The following XYLT1 variants were observed in gnomAD, a reference collection of about 807,000 sequenced individuals.
XYLT1 encodes beta-D-xylosyltransferase 1.
A neutral mutation model predicts 91.3 loss-of-function variants in XYLT1; 36 were observed. The observed-to-expected ratio is 0.39, with a 90% confidence interval of 0.30 to 0.52. XYLT1 has a LOEUF of 0.52. Ranked by LOEUF, XYLT1 falls within the 20% of genes least tolerant of loss-of-function variation. The pLI is 0.68. For synonymous variants in XYLT1, 588 were observed against 532.0 expected (o/e 1.11, Z -1.45); for missense variants, 1,242 against 1,284.5 (o/e 0.97, Z 0.51).
chr16:17,362,660 T>G (rs1039114683), intron 1 of XYLT1, among the ~76,000 whole-genome samples: 1 of 152,206 alleles, frequency 6.6e-6, no homozygotes, highest in Non-Finnish European at 1.5e-5. Context: ...GAGGAGGACT[T>G]TGTTCGTTAT....
At chr16:17,130,519 C>T (rs182402414) in intron 9 of XYLT1, among the ~76,000 whole-genome samples, 178 of 152,246 alleles carry the variant, frequency 1.2e-3, no homozygotes, top group Non-Finnish European at 2.5e-4. Flanking sequence ...GTCACCCAGG[C>T]TAGAGTGCAG....
In XYLT1 at chr16:17,105,947, A is replaced by G. The variant is rs546882519; in HGVS notation, c.*2748T>C. 2 of 152,234 alleles carry G rather than the reference A, an allele frequency of 1.3e-5. No homozygotes were observed. Among genetic ancestry groups the G allele is most frequent in the East Asian group, 3.9e-4 (2 of 5,186 alleles). 9.4% of individuals were successfully genotyped at this position (152,234 alleles called of 1,614,324 possible). On this transcript the variant is annotated 3_prime_UTR_variant, in exon 12 of 12. Coordinates refer to ENST00000261381, the MANE Select transcript of XYLT1 (RefSeq NM_022166.4). Reference sequence around the variant, plus strand: ...AAAAAAAACAAAACACAAAAACACAACAAATGTAATATCTGCAACCTTATT... The same window carrying G: ...AAAAAAAACAAAACACAAAAACACAGCAAATGTAATATCTGCAACCTTATT...
chr16:17,113,591 T>C (rs1966846595), intron 11 of XYLT1, among the ~76,000 whole-genome samples: 1 of 93,400 alleles, frequency 1.1e-5, no homozygotes, highest in South Asian at 3.2e-4. Context: ...TCCTGCCTAA[T>C]GCCAGAGTCT....
chr16:17,219,454 A>G (rs1265807935), intron 3 of XYLT1, among the ~76,000 whole-genome samples: 2 of 152,166 alleles, frequency 1.3e-5, no homozygotes, highest in South Asian at 4.1e-4. Context: ...CCATTACAGC[A>G]TCATTGAGGG....
At chr16:17,420,886 A>G (rs1423744588) in intron 1 of XYLT1, among the ~76,000 whole-genome samples, 1 of 152,198 alleles carries the variant, frequency 6.6e-6, no homozygotes, top group Non-Finnish European at 1.5e-5. Flanking sequence ...GCTGGACTCA[A>G]TAAAACACAC....
chr16:17,127,751 T>C lies in XYLT1; in HGVS notation c.2138A>G (p.Glu713Gly). The C allele has an allele frequency of 6.2e-7, 1 of 1,614,182 alleles. No individual in the cohort carries two copies. Among genetic ancestry groups the C allele is most frequent in the Non-Finnish European group, 8.5e-7 (1 of 1,180,036 alleles). Residue 713 changes from glutamate to glycine, a missense_variant, in exon 10 of 12, where the codon GAG becomes GGG. This residue lies in a region of XYLT1 where 511 missense variants were observed against 497.0 expected (regional missense o/e 1.03). Transcript: ENST00000261381. ...CGGCATCACCCAGGTCTCCAGAGTC[T>C]CTAGTTTGCTCACAGCCAGATTGGT... ...HATNLAVSKL[E>G]TLETWVMPKK...
rs556580655 is a variant in XYLT1, at chr16:17,281,045, C to T, written c.403-21547G>A. On this transcript the variant is annotated intron_variant, in intron 2 of 11. Transcript: ENST00000261381. ...CTGGGAATCACGATTTCTAAAAGCC[C>T]CCAGACAGCGAGGGGTAAGCAACTG... Among the ~76,000 whole-genome samples, 3 of 152,262 alleles carry T rather than the reference C, an allele frequency of 2.0e-5. No individual in the cohort carries two copies. The South Asian group carries it at 6.2e-4, about 32-fold the overall frequency.
At chr16:17,467,877 A>C (rs986551414) in intron 1 of XYLT1, among the ~76,000 whole-genome samples, 2 of 152,080 alleles carry the variant, frequency 1.3e-5, no homozygotes, top group Non-Finnish European at 2.9e-5. Context: ...CAGAGCACTG[A>C]GCTAAAGCAT....
chr16:17,391,114 G>C (rs1461007873), intron 1 of XYLT1, among the ~76,000 whole-genome samples: 1 of 152,178 alleles, frequency 6.6e-6, no homozygotes, highest in Non-Finnish European at 1.5e-5. Context: ...CATTATTCCT[G>C]AGGTCACAAG....
intron 3 of XYLT1, among the ~76,000 whole-genome samples, chr16:17,231,336 C>T (rs1055958768): frequency 6.6e-6 from 1 of 152,178 alleles, no homozygotes; most frequent in Non-Finnish European, 1.5e-5. Context: ...GCACTTCACA[C>T]ATCCTACAGG....
At position 17,423,108 on chromosome 16, in the gene XYLT1, G is replaced by A. The variant is rs2036269304; in HGVS notation, c.363+47326C>T. ...AACAATGTGATTATCGTTGCCAGAG[G>A]AGGTTTTTCTTCCCTGCTAATATCC... On this transcript the variant is annotated intron_variant, in intron 1 of 11. Coordinates refer to ENST00000261381, the MANE Select transcript of XYLT1 (RefSeq NM_022166.4). 2.0e-5 allele frequency among the ~76,000 whole-genome samples: 3 copies of A among 151,144 alleles called. 1 individual carries two copies. The South Asian group carries it at 6.2e-4, about 31-fold the overall frequency.
At chr16:17,373,997 C>G (rs561338487) in intron 1 of XYLT1, among the ~76,000 whole-genome samples, 7 of 152,092 alleles carry the variant, frequency 4.6e-5, no homozygotes, top group African/African-American at 1.7e-4. Flanking sequence ...TAAATGCTGC[C>G]AAAGGGGAGA....
chr16:17,225,237 A>T (rs1555488936), intron 3 of XYLT1, among the ~76,000 whole-genome samples: 1 of 151,848 alleles, frequency 6.6e-6, no homozygotes, highest in Admixed American at 6.6e-5. Context: ...ATGTTCTGAA[A>T]CGTCAACTGT....
rs1001497698 is a variant in XYLT1, at chr16:17,383,989, C to T, written c.364-25939G>A. 6.6e-5 allele frequency among the ~76,000 whole-genome samples: 10 copies of T among 151,868 alleles called. 1 individual carries two copies. The highest frequency in any genetic ancestry group is 5.9e-4 in the Admixed American group (9 of 15,172). On this transcript the variant is annotated intron_variant, in intron 1 of 11. Coordinates refer to ENST00000261381, the MANE Select transcript of XYLT1 (RefSeq NM_022166.4). ...TCTCGCCCTCCTGACCTCAGGTGATCTGCCTGCCTCCACCTCCCAAAGTGC... is the reference window on the plus strand; with the variant it reads ...TCTCGCCCTCCTGACCTCAGGTGATTTGCCTGCCTCCACCTCCCAAAGTGC...
intron 1 of XYLT1, among the ~76,000 whole-genome samples, chr16:17,367,641 C>T (rs1464261596): frequency 2.6e-5 from 4 of 152,238 alleles, no homozygotes; most frequent in Admixed American, 1.3e-4. Flanking sequence ...AATCCAAAAT[C>T]GTGAGTTCAA....
At chr16:17,256,782 G>C (rs1023345558) in intron 3 of XYLT1, among the ~76,000 whole-genome samples, 2 of 152,180 alleles carry the variant, frequency 1.3e-5, no homozygotes, top group African/African-American at 2.4e-5. Context: ...TTGACCATTT[G>C]CCTTCTCAGG....
intron 3 of XYLT1, among the ~76,000 whole-genome samples, chr16:17,236,475 G>C (rs535627960): frequency 1.3e-4 from 20 of 152,108 alleles, no homozygotes; most frequent in Non-Finnish European, 2.2e-4. Context: ...GGACAGTGTG[G>C]AAAAACTGAT....
intron 1 of XYLT1, among the ~76,000 whole-genome samples, chr16:17,437,685 C>G (rs1318147686): frequency 6.6e-6 from 1 of 152,064 alleles, no homozygotes; most frequent in Non-Finnish European, 1.5e-5. Context: ...GGAATCAGAT[C>G]GCTCCTTCAA....
chr16:17,294,062 C>T lies in XYLT1; in HGVS notation c.403-34564G>A, dbSNP rs148143150. ...TCCTCACCTGTAAAATAAGGTGTTC[C>T]TGAGGCATTAGGAATGCCCTGGGCG... On this transcript the variant is annotated intron_variant, in intron 2 of 11. Transcript: ENST00000261381. 2.4e-3 allele frequency among the ~76,000 whole-genome samples: 360 copies of T among 152,242 alleles called. 1 individual carries two copies. Among genetic ancestry groups the T allele is most frequent in the Non-Finnish European group, 4.3e-3 (292 of 68,000 alleles).
Sources: gnomAD v4.1 joint callset for allele counts (sites outside exome capture counted in the v4.1 genomes callset) on GRCh38, gnomAD v4.1.1 for gene constraint, gnomAD v4.1.1 regional missense constraint, MANE v1.5 for transcripts, NCBI Gene and HGNC (gene_info 2026-07-23, HGNC 2026-07-21) for gene names.